Variants in MACF1 observed in about 807,000 individuals in gnomAD.
MACF1 encodes the protein microtubule-actin cross-linking factor 1.
In MACF1, 193 loss-of-function variants were observed where a neutral mutation model predicts 854.8. That is an observed-to-expected ratio of 0.23 (90% CI 0.20 to 0.25). The LOEUF (loss-of-function observed/expected upper bound fraction) is 0.25. Ranked by LOEUF, MACF1 falls within the 10% of genes least tolerant of loss-of-function variation. The probability of loss-of-function intolerance (pLI) is 1.00; values close to 1 mark genes in which losing one functional copy is unlikely to be tolerated. For missense variants in MACF1, 7,722 were observed against 8,929.1 expected (o/e 0.86, Z 5.45); for synonymous variants, 3,185 against 3,226.7 (o/e 0.99, Z 0.44).
intron 84 of MACF1, among the ~76,000 whole-genome samples, chr1:39,450,610 C>CTTTTTTT (rs11398407): frequency 7.8e-5 from 9 of 115,236 alleles, no homozygotes; most frequent in East Asian, 2.5e-4. Context: ...TACTCTATTT[C>CTTTTTTT]TTTTTTTTTT....
At chr1:39,106,916 C>CA (rs1642257208) in intron 2 of MACF1, among the ~76,000 whole-genome samples, 1 of 151,726 alleles carries the variant, frequency 6.6e-6, no homozygotes, top group African/African-American at 2.4e-5. Flanking sequence ...GTTCCCTCTG[C>CA]ATCAGCTCCT....
intron 58 of MACF1, among the ~76,000 whole-genome samples, chr1:39,399,163 C>T (rs778532265): frequency 2.6e-5 from 4 of 152,096 alleles, no homozygotes; most frequent in Non-Finnish European, 4.4e-5. Context: ...CAAAGCAATT[C>T]GAAGGCCATC....
intron 80 of MACF1, among the ~76,000 whole-genome samples, chr1:39,445,114 A>G (rs1031944438): frequency 3.9e-5 from 6 of 152,212 alleles, no homozygotes; most frequent in Non-Finnish European, 7.3e-5. Flanking sequence ...CTACTTAAAA[A>G]CAAGGTTTTG....
At chr1:39,159,043 C>T (rs1024487149) in intron 2 of MACF1, among the ~76,000 whole-genome samples, 1 of 152,190 alleles carries the variant, frequency 6.6e-6, no homozygotes, top group Admixed American at 6.5e-5. Flanking sequence ...TTCAGGCTCC[C>T]TACCCTTTGT....
intron 2 of MACF1, among the ~76,000 whole-genome samples, chr1:39,172,707 G>T (rs1187439862): frequency 6.6e-6 from 1 of 152,206 alleles, no homozygotes; most frequent in Non-Finnish European, 1.5e-5. Flanking sequence ...TCAGGCCTGT[G>T]CCCTCTTAGT....
At chr1:39,410,727 G>T (rs758395746) in intron 58 of MACF1, 13 of 1,613,916 alleles carry the variant, frequency 8.1e-6, no homozygotes, top group Non-Finnish European at 1.1e-5. Context: ...CTCTCAGTGA[G>T]GTTTCAGAAG....
At position 39,175,941 on chromosome 1, in the gene MACF1, CAA is replaced by C. The variant is rs68102262; in HGVS notation, c.221-55223_221-55222del. ...TGAAACCCTGTCTCTACTAAAAATA[CAA>C]AAAAAAAAAAAAAAAAATTAGCCAG... On this transcript the variant is annotated intron_variant, in intron 2 of 93. Transcript: ENST00000361689. Among the ~76,000 whole-genome samples the C allele has an allele frequency of 1.8e-3, 179 of 98,530 alleles. 1 individual carries two copies. Among genetic ancestry groups the C allele is most frequent in the Middle Eastern group, 5.1e-3 (1 of 196 alleles). 64.6% of individuals were successfully genotyped at this position (98,530 alleles called of 152,430 possible). A position where few individuals can be genotyped will look rare whatever the true frequency, so the allele number is the denominator to read the frequency against.
intron 2 of MACF1, among the ~76,000 whole-genome samples, chr1:39,117,533 G>GGTGTGTGTGTGTGTGT (rs67609869): frequency 5.4e-5 from 8 of 147,618 alleles, no homozygotes; most frequent in Non-Finnish European, 8.9e-5. Context: ...ACCTGCAAGA[G>GGTGTGTGTGTGTGTGT]GTGTGTGTGT....
intron 52 of MACF1, among the ~76,000 whole-genome samples, chr1:39,375,916 G>A (rs1488480678): frequency 6.6e-6 from 1 of 152,220 alleles, no homozygotes; most frequent in African/African-American, 2.4e-5. Flanking sequence ...GCCACAATGA[G>A]AACTGTGTAG....
At position 39,335,831 on chromosome 1, in the gene MACF1, G is replaced by T. The variant is rs201813733; in HGVS notation, c.9243G>T (p.Leu3081Phe). The T allele has an allele frequency of 5.0e-6, 8 of 1,614,098 alleles. No individual in the cohort carries two copies. Among genetic ancestry groups the T allele is most frequent in the Non-Finnish European group, 6.8e-6 (8 of 1,180,006 alleles). The change falls in exon 37 of 101, where the codon TTG becomes TTT. Residue 3081 changes from leucine to phenylalanine, a missense_variant. This residue lies in a region of MACF1 where 854 missense variants were observed against 852.6 expected (regional missense o/e 1.00). Transcript: ENST00000564288. ...EGKVNNLSLC[L>F]TLKPEENLSR... The stretch of plus-strand genomic sequence containing the variant: ...AAGTAAACAATTTAAGTCTCTGCTT[G>T]ACTTTAAAACCAGAAGAAAACTTAT...
intron 2 of MACF1, among the ~76,000 whole-genome samples, chr1:39,171,554 T>G (rs1316986198): frequency 6.6e-6 from 1 of 152,236 alleles, no homozygotes; most frequent in Non-Finnish European, 1.5e-5. Context: ...CTTCTTTCAC[T>G]TAGCATATGC....
intron 6 of MACF1, among the ~76,000 whole-genome samples, chr1:39,262,478 A>G (rs1364447750): frequency 1.3e-5 from 2 of 149,644 alleles, no homozygotes; most frequent in Non-Finnish European, 1.5e-5. Context: ...TTGGACTCTT[A>G]TTGTTTAGGA....
chr1:39,344,249 G>GAAACCCCATCTCTACTAAAA (rs1191430647), intron 40 of MACF1, among the ~76,000 whole-genome samples: 29 of 151,966 alleles, frequency 1.9e-4, no homozygotes, highest in African/African-American at 7.0e-4. Context: ...CCAACATGGT[G>GAAACCCCATCTCTACTAAAA]AAACCCCATC....
intron 58 of MACF1, chr1:39,411,253 A>T (rs957488582): frequency 3.1e-6 from 5 of 1,613,812 alleles, no homozygotes; most frequent in Admixed American, 1.7e-5. Context: ...ATGGATTATG[A>T]TGGAGGCTGA....
intron 2 of MACF1, among the ~76,000 whole-genome samples, chr1:39,141,431 G>A (rs1643343524): frequency 6.6e-6 from 1 of 152,166 alleles, no homozygotes. Flanking sequence ...GGTGTTAAGA[G>A]CATGGACTCA....
chr1:39,279,151 T>C (rs1210339005), intron 6 of MACF1, among the ~76,000 whole-genome samples: 1 of 152,102 alleles, frequency 6.6e-6, no homozygotes, highest in Non-Finnish European at 1.5e-5. Context: ...CAAAGTAGAA[T>C]AGTCTGATTT....
At position 39,228,176 on chromosome 1, in the gene MACF1, G is replaced by A. The variant is rs529019797; in HGVS notation, c.110-3006G>A. Among the ~76,000 whole-genome samples the A allele has an allele frequency of 5.7e-4, 87 of 152,186 alleles. No individual in the cohort carries two copies. In the South Asian group the frequency reaches 8.3e-3, roughly 15 times the overall value. On this transcript the variant is annotated intron_variant, in intron 1 of 100. Transcript: ENST00000564288. ...AAATAAAAAATTAGCCGGACGTGGT[G>A]GGTGGGCACCTGTAATCGCAGCTAC...
chr1:39,368,007 T>G (rs1239992393), intron 49 of MACF1, 141 bp from the exon 50 acceptor site: 4 of 614,256 alleles, frequency 6.5e-6, no homozygotes, highest in East Asian at 2.8e-5. Flanking sequence ...TTGTTTGTTT[T>G]TTTTAAACTT....
At chr1:39,135,750 A>G (rs956707009) in intron 2 of MACF1, among the ~76,000 whole-genome samples, 8 of 151,616 alleles carry the variant, frequency 5.3e-5, no homozygotes, top group Admixed American at 2.6e-4. Flanking sequence ...GAATTCTAGG[A>G]AAAAAAAATT....
Sources: allele counts gnomAD v4.1 joint callset (sites outside exome capture counted in the v4.1 genomes callset), GRCh38; gene constraint gnomAD v4.1.1; regional missense constraint gnomAD v4.1.1; transcripts MANE v1.5; gene names NCBI Gene and HGNC (gene_info 2026-07-23, HGNC 2026-07-21).